The following ZBTB7A variants were observed in gnomAD, a reference collection of about 807,000 sequenced individuals.
The protein encoded by ZBTB7A is zinc finger and BTB domain-containing protein 7A.
ZBTB7A carries 7 observed loss-of-function variants against 26.7 expected under a neutral mutation model. The ratio of observed to expected loss-of-function variants is 0.26; its 90% CI spans 0.15 to 0.49. The LOEUF is 0.49. ZBTB7A is among the 20% of genes least tolerant of loss of function. The probability of loss-of-function intolerance (pLI) is 0.98; values close to 1 mark genes in which losing one functional copy is unlikely to be tolerated. For missense variants in ZBTB7A, 617 were observed against 919.5 expected (o/e 0.67, Z 4.25); for synonymous variants, 452 against 441.0 (o/e 1.02, Z -0.31).
Position 4,048,284 on chromosome 19 carries a change from G to C in ZBTB7A, c.1263-40C>G. On this transcript the variant is annotated intron_variant, in intron 2 of 2. Coordinates refer to ENST00000322357, the MANE Select transcript of ZBTB7A (RefSeq NM_015898.4). This position sits in a 1 kb window ranked among gnomAD's most constrained non-coding sequence, Gnocchi z 6.7. ...CGGGGCGGGCACGGTCAGTGGGGCC[G>C]GGGACCCCCGATCCCCGCCCAGGGA... The C allele has an allele frequency of 2.6e-6, 4 of 1,523,644 alleles. No individual in the cohort carries two copies. The highest frequency in any genetic ancestry group is 3.5e-6 in the Non-Finnish European group (4 of 1,144,898). The allele number at this position is 1,523,644 out of a possible 1,614,324, so 94.4% of individuals were successfully genotyped here.
chr19:4,048,247 G>A lies in ZBTB7A; in HGVS notation c.1263-3C>T, dbSNP rs2040449486. 6.3e-7 allele frequency: 1 copy of A among 1,582,020 alleles called. No individual in the cohort carries two copies. Among genetic ancestry groups the A allele is most frequent in the African/African-American group, 1.4e-5 (1 of 73,272 alleles). ...TGTGCACCTTCAGCTTGTCCTGCCT[G>A]TGGACGGGGCACGGGGCGGGCACGG... On this transcript the variant is annotated splice_polypyrimidine_tract_variant and splice_region_variant and intron_variant, in intron 2 of 2. Transcript: ENST00000322357. This position sits in a 1 kb window ranked among gnomAD's most constrained non-coding sequence, Gnocchi z 6.7.
Position 4,054,508 on chromosome 19 carries a change from C to A in ZBTB7A, c.725G>T (p.Gly242Val). The A allele has an allele frequency of 7.0e-7, 1 of 1,426,618 alleles. No homozygotes were observed. The highest frequency in any genetic ancestry group is 9.1e-7 in the Non-Finnish European group (1 of 1,100,746). 88.4% of individuals were successfully genotyped at this position (1,426,618 alleles called of 1,614,324 possible). The stretch of plus-strand genomic sequence containing the variant: ...GTCCTCATCCCGCTCTGGCCACAGA[C>A]CCGGGTTGCTGTCGCCCTCGTCCCC... ...GDGDEGDSNP[G>V]LWPERDEDAP... Residue 242 changes from glycine to valine, a missense_variant, in exon 2 of 3, where the codon GGT becomes GTT. Around this residue, in one of 5 missense-constraint regions of ZBTB7A, gnomAD observed 331 missense variants for 391.3 expected, o/e 0.85. Coordinates refer to ENST00000322357, the MANE Select transcript of ZBTB7A (RefSeq NM_015898.4).
chr19:4,065,858 G>T (rs928063087), intron 1 of ZBTB7A: 6 of 143,254 alleles, frequency 4.2e-5, no homozygotes, highest in African/African-American at 5.0e-5. Flanking sequence ...CCGGAAGCCG[G>T]GACCGCCACC....
rs1420125643 is a variant in ZBTB7A, at chr19:4,052,163, TAGCCAGCAGTGCCCG to T, written c.1262+1793_1262+1807del. Among the ~76,000 whole-genome samples the T allele has an allele frequency of 6.6e-6, 1 of 151,938 alleles. No homozygotes were observed. Among genetic ancestry groups the T allele is most frequent in the Non-Finnish European group, 1.5e-5 (1 of 67,974 alleles). On this transcript the variant is annotated intron_variant, in intron 2 of 2. Transcript: ENST00000322357. This position sits in a 1 kb window ranked among gnomAD's most constrained non-coding sequence, Gnocchi z 4.9. The stretch of plus-strand genomic sequence containing the variant: ...GGGATCAGCCCCGGGTCGGGTGGGA[TAGCCAGCAGTGCCCG>T]AGTCAGAATGAAACCGGGCCTGTGG...
At chr19:4,050,703 A>G (rs1471716365) in intron 2 of ZBTB7A, among the ~76,000 whole-genome samples, 1 of 152,206 alleles carries the variant, frequency 6.6e-6, no homozygotes, top group Admixed American at 6.5e-5. Flanking sequence ...TTGACTACAC[A>G]TGGAAATGCA....
Position 4,045,888 on chromosome 19 carries a change from A to C in ZBTB7A, c.*1864T>G. On this transcript the variant is annotated 3_prime_UTR_variant, in exon 3 of 3. Transcript: ENST00000322357. The surrounding 1 kb of genome is among the most constrained non-coding windows in gnomAD (Gnocchi z 4.1). The stretch of plus-strand genomic sequence containing the variant: ...TTACAGTCAGTGCCTTTGAGTAAAA[A>C]GAGGGGTGCCTGGGGTGGGGAGAGG... The C allele has an allele frequency of 2.5e-6, 1 of 398,472 alleles. No homozygotes were observed. The allele number at this position is 398,472 out of a possible 1,614,324, so 24.7% of individuals were successfully genotyped here. A position where few individuals can be genotyped will look rare whatever the true frequency, so the allele number is the denominator to read the frequency against.
Position 4,052,007 on chromosome 19 carries a change from T to G in ZBTB7A, c.1262+1964A>C, listed in dbSNP as rs1170138593. 7.0e-6 allele frequency among the ~76,000 whole-genome samples: 1 copy of G among 142,874 alleles called. No individual in the cohort carries two copies. The allele number at this position is 142,874 out of a possible 152,430, so 93.7% of individuals were successfully genotyped here. ...CTCCCAGGCTTTTGGAGGGTGGAGG[T>G]GCTGGTGTCCTGGGGAGGGGGGACC... On this transcript the variant is annotated intron_variant, in intron 2 of 2. Transcript: ENST00000322357. The surrounding 1 kb of genome is among the most constrained non-coding windows in gnomAD (Gnocchi z 4.9).
At position 4,054,715 on chromosome 19, in the gene ZBTB7A, G is replaced by A; in HGVS notation, c.518C>T (p.Pro173Leu). 1 of 1,574,304 alleles carries A rather than the reference G, an allele frequency of 6.4e-7. No homozygotes were observed. Among genetic ancestry groups the A allele is most frequent in the Non-Finnish European group, 8.6e-7 (1 of 1,159,980 alleles). ...GGCAGCGGCGGCGGCGGCCGCGGGG[G>A]GCAGGCTGTTCATGGGGTTGCTCTG... ...FFQSNPMNSL[P>L]PAAAAAAASF... The change falls in exon 2 of 3, where the codon CCC (proline) becomes CTC (leucine). Residue 173 changes from proline to leucine, a missense_variant. This residue lies in a region of ZBTB7A where 331 missense variants were observed against 391.3 expected (regional missense o/e 0.85). Transcript: ENST00000322357.
At chr19:4,058,060 C>T (rs2040600286) in intron 1 of ZBTB7A, among the ~76,000 whole-genome samples, 2 of 152,184 alleles carry the variant, frequency 1.3e-5, no homozygotes, top group Non-Finnish European at 2.9e-5. Context: ...GGCACGGGGA[C>T]CCAGTGCCGA....
rs1273727964 is a variant in ZBTB7A at position 4,047,657 on chromosome 19, TTTC to T, written c.*92_*94del. ...TATAGATATCTGTATATAGATAGAT[TTTC>T]TTTTTTTGTGTTTTTGGGGGGGTGG... On this transcript the variant is annotated 3_prime_UTR_variant, in exon 3 of 3. Transcript: ENST00000322357. 1 of 1,358,376 alleles carries T rather than the reference TTTC, an allele frequency of 7.4e-7. No individual in the cohort carries two copies. The highest frequency in any genetic ancestry group is 1.5e-5 in the African/African-American group (1 of 65,912). 84.1% of individuals were successfully genotyped at this position (1,358,376 alleles called of 1,614,324 possible).
chr19:4,062,676 G>T (rs1396573286), intron 1 of ZBTB7A: 1 of 152,192 alleles, frequency 6.6e-6, no homozygotes. Flanking sequence ...GAGGAAGGAC[G>T]GCTTATCCTC....
In ZBTB7A at chr19:4,066,756, G is replaced by A. The variant is rs2040699325; in HGVS notation, c.-90C>T. On this transcript the variant is annotated 5_prime_UTR_variant, in exon 1 of 3. Transcript: ENST00000322357. ...TGGGCTCCCTCGGCCGCTCGCCTCC[G>A]GGGTCCGCGGCGCTCGCTCTGCCCG... 2 of 151,790 alleles carry A rather than the reference G, an allele frequency of 1.3e-5. No individual in the cohort carries two copies. The highest frequency in any genetic ancestry group is 1.9e-4 in the South Asian group (1 of 5,202). 9.4% of individuals were successfully genotyped at this position (151,790 alleles called of 1,614,324 possible). A position where few individuals can be genotyped will look rare whatever the true frequency, so the allele number is the denominator to read the frequency against.
Position 4,054,245 on chromosome 19 carries a change from C to A in ZBTB7A, c.988G>T (p.Ala330Ser). The A allele has an allele frequency of 6.3e-7, 1 of 1,579,000 alleles. No homozygotes were observed. Among genetic ancestry groups the A allele is most frequent in the Non-Finnish European group, 8.5e-7 (1 of 1,169,604 alleles). ...TCGCTGTCCCCCGCCGCGGCCCCCG[C>A]CCGGCCCACCGATGACATCATCTGC... The part of the protein sequence containing the change: ...LQQMMSSVGR[A>S]GAAAGDSDEE... Residue 330 changes from alanine (A) to serine (S), a missense_variant, in exon 2 of 3, where the codon GCG (alanine) becomes TCG (serine). Physicochemically the swap from Ala to Ser is moderately conservative, Grantham distance 99. Transcript: ENST00000322357.
chr19:4,060,055 C>A (rs1013656780), intron 1 of ZBTB7A, among the ~76,000 whole-genome samples: 1 of 152,074 alleles, frequency 6.6e-6, no homozygotes. Flanking sequence ...CACCCGGGGC[C>A]CCATCTTTCA....
At chr19:4,057,026 GAA>G (rs773127216) in intron 1 of ZBTB7A, among the ~76,000 whole-genome samples, 3 of 78,710 alleles carry the variant, frequency 3.8e-5, no homozygotes, top group Non-Finnish European at 7.5e-5. Flanking sequence ...GACTCGGTCT[GAA>G]AAAAAAAAAA....
intron 1 of ZBTB7A, among the ~76,000 whole-genome samples, chr19:4,065,174 C>T (rs897863730): frequency 2.0e-5 from 3 of 151,648 alleles, no homozygotes; most frequent in Non-Finnish European, 4.4e-5. Context: ...AGGGGGGGTC[C>T]GGGCCAGAGG....
At chr19:4,053,697 C>G (rs1568232890) in intron 2 of ZBTB7A, among the ~76,000 whole-genome samples, 1 of 149,714 alleles carries the variant, frequency 6.7e-6, no homozygotes, top group Non-Finnish European at 1.5e-5. Flanking sequence ...GTGTGTGCGT[C>G]TGTGTGTGTG....
rs577801581 is a variant in ZBTB7A at position 4,052,708 on chromosome 19, C to T, written c.1262+1263G>A. The stretch of plus-strand genomic sequence containing the variant: ...CTGCCCCCACCGCTACAGCCCGCCC[C>T]GGATCTACGAGGCCCAGCCAGCCAC... On this transcript the variant is annotated intron_variant, in intron 2 of 2. Transcript: ENST00000322357. The surrounding 1 kb of genome is among the most constrained non-coding windows in gnomAD (Gnocchi z 4.9). 3.3e-5 allele frequency among the ~76,000 whole-genome samples: 5 copies of T among 152,324 alleles called. No homozygotes were observed. The highest frequency in any genetic ancestry group is 2.1e-4 in the South Asian group (1 of 4,830).
At chr19:4,060,570 G>A (rs2040628382) in intron 1 of ZBTB7A, among the ~76,000 whole-genome samples, 1 of 152,222 alleles carries the variant, frequency 6.6e-6, no homozygotes, top group Non-Finnish European at 1.5e-5. Flanking sequence ...GGGATGTGTC[G>A]TGAGCTCGGA....
Sources: allele counts gnomAD v4.1 joint callset (sites outside exome capture counted in the v4.1 genomes callset), GRCh38; gene constraint gnomAD v4.1.1; regional missense constraint gnomAD v4.1.1; non-coding constraint Gnocchi (gnomAD v3.1); transcripts MANE v1.5; gene names NCBI Gene and HGNC (gene_info 2026-07-23, HGNC 2026-07-21).